Variants in GPR37L1 observed in about 807,000 individuals in gnomAD.
GPR37L1 encodes the protein G protein-coupled receptor 37-like 1.
Under a neutral mutation model 18.0 loss-of-function variants are expected in GPR37L1, and 18 were observed. The observed-to-expected ratio is 1.00, with a 90% CI of 0.69 to 1.49. The LOEUF (loss-of-function observed/expected upper bound fraction) is 1.49. Among genes scored for constraint, GPR37L1 ranks in the 40% most tolerant of loss-of-function variants. GPR37L1 has a pLI of 0.00. For synonymous variants in GPR37L1, 256 were observed against 273.9 expected (o/e 0.93, Z 0.65); for missense variants, 558 against 615.1 (o/e 0.91, Z 0.98).
At position 202,123,412 on chromosome 1, in the gene GPR37L1, C is replaced by T. The variant is rs1437696930; in HGVS notation, c.449C>T (p.Ser150Leu). The change falls in exon 1 of 2, where the codon TCG (serine) becomes TTG (leucine). Residue 150 changes from serine (S) to leucine (L), a missense_variant. By Grantham distance (145) the Ser-to-Leu change is moderately radical (BLOSUM62 -2). Transcript: ENST00000367282. The stretch of plus-strand genomic sequence containing the variant: ...GCGGTGGGCATTGTGGGCAACCTGT[C>T]GGTCATGTGCATCGTGTGGCACAGC... ...VFAVGIVGNL[S>L]VMCIVWHSYY... 6.2e-6 allele frequency: 10 copies of T among 1,613,984 alleles called. No individual in the cohort carries two copies. The highest frequency in any genetic ancestry group is 1.6e-4 in the Middle Eastern group (1 of 6,084).
intron 1 of GPR37L1, among the ~76,000 whole-genome samples, chr1:202,126,838 C>CGTGTGTGT (rs111909066): frequency 0.064 from 9,410 of 146,324 alleles, 563 homozygotes; most frequent in East Asian, 0.28. Context: ...CAGAAACGTG[C>CGTGTGTGT]GTGTGTGTGT....
In GPR37L1 at chr1:202,132,374, CA is replaced by C. The variant is rs1388574910; in HGVS notation, c.*3821del. ...CCTAGAATCACTTAGCTTCAGATGC[CA>C]AATTCCATCCACATTCTTTCCTCCA... On this transcript the variant is annotated 3_prime_UTR_variant, in exon 2 of 2. Transcript: ENST00000367282. 6.6e-6 allele frequency: 1 copy of C among 152,264 alleles called. No homozygotes were observed. Among genetic ancestry groups the C allele is most frequent in the Non-Finnish European group, 1.5e-5 (1 of 68,078 alleles). 9.4% of individuals were successfully genotyped at this position (152,264 alleles called of 1,614,324 possible). A position where few individuals can be genotyped will look rare whatever the true frequency, so the allele number is the denominator to read the frequency against.
chr1:202,124,149 T>G (rs1334969002), intron 1 of GPR37L1, among the ~76,000 whole-genome samples: 3 of 152,106 alleles, frequency 2.0e-5, no homozygotes. Flanking sequence ...AAAAGACCGC[T>G]CCGTTCTTCC....
In GPR37L1 at chr1:202,131,609, T is replaced by C. The variant is rs79505405; in HGVS notation, c.*3053T>C. 1 of 152,184 alleles carries C rather than the reference T, an allele frequency of 6.6e-6. No homozygotes were observed. Among genetic ancestry groups the C allele is most frequent in the East Asian group, 1.9e-4 (1 of 5,170 alleles). 9.4% of individuals were successfully genotyped at this position (152,184 alleles called of 1,614,324 possible). ...TAATAGGTTATGTGTGTTTTTTTTT[T>C]CTTAAGAGCTGGGTGGGGGGGTCTC... On this transcript the variant is annotated 3_prime_UTR_variant, in exon 2 of 2. Transcript: ENST00000367282.
At chr1:202,124,434 C>T (rs989255027) in intron 1 of GPR37L1, among the ~76,000 whole-genome samples, 6 of 152,142 alleles carry the variant, frequency 3.9e-5, no homozygotes, top group African/African-American at 1.2e-4. Flanking sequence ...GTAGCGTCTA[C>T]GATAAGTCCA....
chr1:202,129,999 CCCCACTGCACCACCCTTCCCGCCAGAGCT>C lies in GPR37L1; in HGVS notation c.*1452_*1480del. Reference sequence around the variant, plus strand: ...CTGCCCTGGCCTGCCCCCACCCAGCCCCCACTGCACCACCCTTCCCGCCAGAGCTCCCACTGCCCCCGGCAGACCCTTCA... The same window carrying C: ...CTGCCCTGGCCTGCCCCCACCCAGCCCCCACTGCCCCCGGCAGACCCTTCA... On this transcript the variant is annotated 3_prime_UTR_variant, in exon 2 of 2. Coordinates refer to ENST00000367282, the MANE Select transcript of GPR37L1 (RefSeq NM_004767.5). 1 of 153,220 alleles carries C rather than the reference CCCCACTGCACCACCCTTCCCGCCAGAGCT, an allele frequency of 6.5e-6. No homozygotes were observed. The highest frequency in any genetic ancestry group is 1.5e-5 in the Non-Finnish European group (1 of 68,798). The allele number at this position is 153,220 out of a possible 1,614,324, so 9.5% of individuals were successfully genotyped here.
Position 202,123,476 on chromosome 1 carries a change from C to G in GPR37L1, c.513C>G (p.Ser171Arg), listed in dbSNP as rs1458802529. The G allele has an allele frequency of 6.2e-7, 1 of 1,614,092 alleles. No individual in the cohort carries two copies. Among genetic ancestry groups the G allele is most frequent in the Admixed American group, 1.7e-5 (1 of 60,018 alleles). ...LKSAWNSILA[S>R]LALWDFLVLF... ...GTGCCTGGAACTCCATCCTTGCCAGCCTGGCCCTCTGGGATTTTCTGGTCC... is the reference window on the plus strand; with the variant it reads ...GTGCCTGGAACTCCATCCTTGCCAGGCTGGCCCTCTGGGATTTTCTGGTCC... Residue 171 changes from serine (S) to arginine (R), a missense_variant, in exon 1 of 2, where the codon AGC becomes AGG. Coordinates refer to ENST00000367282, the MANE Select transcript of GPR37L1 (RefSeq NM_004767.5).
intron 1 of GPR37L1, among the ~76,000 whole-genome samples, chr1:202,125,970 C>G (rs1474242551): frequency 6.6e-6 from 1 of 152,194 alleles, no homozygotes; most frequent in Non-Finnish European, 1.5e-5. Flanking sequence ...AATCTGCCTG[C>G]CTTGGTCTCC....
chr1:202,131,513 C>G lies in GPR37L1; in HGVS notation c.*2957C>G, dbSNP rs551585897. ...TTGGCCCAGGGATTCTTAAATGCAT[C>G]CAGGTTTTGGCATCAAAGGGCCCCA... On this transcript the variant is annotated 3_prime_UTR_variant, in exon 2 of 2. Transcript: ENST00000367282. 1.3e-5 allele frequency: 2 copies of G among 152,164 alleles called. No individual in the cohort carries two copies. Among genetic ancestry groups the G allele is most frequent in the Non-Finnish European group, 2.9e-5 (2 of 68,030 alleles). The allele number at this position is 152,164 out of a possible 1,614,324, so 9.4% of individuals were successfully genotyped here.
At position 202,133,385 on chromosome 1, in the gene GPR37L1, A is replaced by G. The variant is rs1654913677; in HGVS notation, c.*4829A>G. The G allele has an allele frequency of 6.6e-6, 1 of 152,160 alleles. No homozygotes were observed. Among genetic ancestry groups the G allele is most frequent in the Admixed American group, 6.5e-5 (1 of 15,280 alleles). The allele number at this position is 152,160 out of a possible 1,614,324, so 9.4% of individuals were successfully genotyped here. On this transcript the variant is annotated 3_prime_UTR_variant, in exon 2 of 2. Coordinates refer to ENST00000367282, the MANE Select transcript of GPR37L1 (RefSeq NM_004767.5). ...AACCCATGCCAACTGCGGAAAAGTA[A>G]CCAGCACCATACACCCCCCCCAACA...
rs762917385 is a variant in GPR37L1 at position 202,123,577 on chromosome 1, C to T, written c.614C>T (p.Ala205Val). ...CTACTGGGTGACGTTTCTTGTCGTG[C>T]CGTGCCCTTCATGGAGGTGAGTGTG... ...QRLLGDVSCR[A>V]VPFMEVSSLG... Residue 205 changes from alanine to valine, a missense_variant, in exon 1 of 2, where the codon GCC becomes GTC. Coordinates refer to ENST00000367282, the MANE Select transcript of GPR37L1 (RefSeq NM_004767.5). The T allele has an allele frequency of 5.2e-5, 83 of 1,588,596 alleles. No individual in the cohort carries two copies. Among genetic ancestry groups the T allele is most frequent in the Non-Finnish European group, 6.6e-5 (77 of 1,167,660 alleles).
rs1438046627 is a variant in GPR37L1, at chr1:202,133,075, A to AC, written c.*4520dup. The AC allele has an allele frequency of 3.9e-5, 6 of 152,344 alleles. No homozygotes were observed. The highest frequency in any genetic ancestry group is 8.8e-5 in the Non-Finnish European group (6 of 68,172). The allele number at this position is 152,344 out of a possible 1,614,324, so 9.4% of individuals were successfully genotyped here. On this transcript the variant is annotated 3_prime_UTR_variant, in exon 2 of 2. Transcript: ENST00000367282. The stretch of plus-strand genomic sequence containing the variant: ...AAGGAGAGTGCAGCTCAGTTCGCAC[A>AC]CAACAGCACCCAGCCCTGTCCCCTT...
rs763917378 is a variant in GPR37L1 at position 202,128,392 on chromosome 1, C to T, written c.1282C>T (p.Leu428=). 2.5e-6 allele frequency: 4 copies of T among 1,614,008 alleles called. No individual in the cohort carries two copies. Among genetic ancestry groups the T allele is most frequent in the South Asian group, 2.2e-5 (2 of 91,088 alleles). Residue 428 remains leucine (L), a synonymous_variant, in exon 2 of 2, where the codon CTG becomes TTG. Transcript: ENST00000367282. ...CTGCAGGCCGCTGGGCCAGGCCTTC[C>T]TGGACTGCTGCTGCTGCTGCTGCTG... ...CICRPLGQAF[L]DCCCCCCCEE...
chr1:202,133,391 A>G lies in GPR37L1; in HGVS notation c.*4835A>G, dbSNP rs1203791250. 1 of 151,978 alleles carries G rather than the reference A, an allele frequency of 6.6e-6. No individual in the cohort carries two copies. Among genetic ancestry groups the G allele is most frequent in the East Asian group, 1.9e-4 (1 of 5,184 alleles). 9.4% of individuals were successfully genotyped at this position (151,978 alleles called of 1,614,324 possible). ...TGCCAACTGCGGAAAAGTAACCAGC[A>G]CCATACACCCCCCCCAACACAAAAC... On this transcript the variant is annotated 3_prime_UTR_variant, in exon 2 of 2. Transcript: ENST00000367282.
In GPR37L1 at chr1:202,131,803, C is replaced by T. The variant is rs1234287513; in HGVS notation, c.*3247C>T. 2.0e-5 allele frequency: 3 copies of T among 151,876 alleles called. No homozygotes were observed. The highest frequency in any genetic ancestry group is 4.4e-5 in the Non-Finnish European group (3 of 68,026). 9.4% of individuals were successfully genotyped at this position (151,876 alleles called of 1,614,324 possible). A position where few individuals can be genotyped will look rare whatever the true frequency, so the allele number is the denominator to read the frequency against. On this transcript the variant is annotated 3_prime_UTR_variant, in exon 2 of 2. Transcript: ENST00000367282. ...CTCAAGCTGAGTGCTGTGGTGTGAT[C>T]ACAGCTCATTGCAGCCTCCACTTCC...
In GPR37L1 at chr1:202,128,193, G is replaced by A. The variant is rs770377377; in HGVS notation, c.1083G>A (p.Val361=). The A allele has an allele frequency of 1.9e-6, 3 of 1,613,848 alleles. No individual in the cohort carries two copies. In the East Asian group the frequency reaches 6.7e-5, roughly 36 times the overall value. ...GTGAGAGCCAGCTCAACAGCACCGT[G>A]GTGGGCCTGACCGTGGTCTACGCCT... ...EQCESQLNST[V]VGLTVVYAFC... Residue 361 remains valine, a synonymous_variant, in exon 2 of 2, where the codon GTG becomes GTA. Coordinates refer to ENST00000367282, the MANE Select transcript of GPR37L1 (RefSeq NM_004767.5).
chr1:202,123,252 GACAGTGGGCAGGA>G lies in GPR37L1; in HGVS notation c.292_304del (p.Ser98Ter). The G allele has an allele frequency of 6.2e-7, 1 of 1,614,010 alleles. No individual in the cohort carries two copies. Among genetic ancestry groups the G allele is most frequent in the Non-Finnish European group, 8.5e-7 (1 of 1,179,954 alleles). On this transcript the variant is annotated frameshift_variant, in exon 1 of 2. Coordinates refer to ENST00000367282, the MANE Select transcript of GPR37L1 (RefSeq NM_004767.5). LOFTEE classifies it high-confidence loss of function. ...CCCCGGCAAGGATGGGGGCACCCCA[GACAGTGGGCAGGA>G]ACTGAGGGGCAATCTGACAGGAGCA...
intron 1 of GPR37L1, among the ~76,000 whole-genome samples, chr1:202,125,331 A>T (rs1318416306): frequency 6.6e-6 from 1 of 152,066 alleles, no homozygotes; most frequent in Non-Finnish European, 1.5e-5. Context: ...GATTTGGTAG[A>T]TTACTTTAAC....
chr1:202,127,909 C>T lies in GPR37L1; in HGVS notation c.799C>T (p.Leu267Phe). The T allele has an allele frequency of 6.2e-7, 1 of 1,613,862 alleles. No individual in the cohort carries two copies. The change falls in exon 2 of 2, where the codon CTC (leucine) becomes TTC (phenylalanine). Residue 267 changes from leucine to phenylalanine, a missense_variant. Physicochemically the swap from Leu to Phe is conservative, Grantham distance 22. Coordinates refer to ENST00000367282, the MANE Select transcript of GPR37L1 (RefSeq NM_004767.5). Reference sequence around the variant, plus strand: ...CTCCATGACGCTGGCTGTGCCTGAGCTCCTGCTGTGGCAGCTGGCACAGGA... The same window carrying T: ...CTCCATGACGCTGGCTGTGCCTGAGTTCCTGCTGTGGCAGCTGGCACAGGA... ...VGSMTLAVPE[L>F]LLWQLAQEPA...
Sources: gnomAD v4.1 joint callset for allele counts (sites outside exome capture counted in the v4.1 genomes callset) on GRCh38, gnomAD v4.1.1 for gene constraint, MANE v1.5 for transcripts, NCBI Gene and HGNC (gene_info 2026-07-23, HGNC 2026-07-21) for gene names.